The following DTWD2 variants were observed in gnomAD, a reference collection of about 807,000 sequenced individuals.
DTWD2 encodes the protein tRNA-uridine aminocarboxypropyltransferase 2.
DTWD2 carries 39 observed loss-of-function variants against 31.8 expected under a neutral mutation model. The ratio of observed to expected loss-of-function variants is 1.22; its 90% CI spans 0.95 to 1.60. The LOEUF (loss-of-function observed/expected upper bound fraction) is 1.60. Among genes scored for constraint, DTWD2 ranks in the 40% most tolerant of loss-of-function variants. DTWD2 has a pLI of 0.00. For missense variants in DTWD2, 515 were observed against 381.5 expected (o/e 1.35, Z -2.92); for synonymous variants, 180 against 142.8 (o/e 1.26, Z -1.86).
intron 4 of DTWD2, among the ~76,000 whole-genome samples, chr5:118,859,550 T>C (rs1277113576): frequency 6.6e-6 from 1 of 152,218 alleles, no homozygotes; most frequent in Non-Finnish European, 1.5e-5. Flanking sequence ...CCTTTTGCTA[T>C]AATATCATTA....
At chr5:118,846,086 T>C (rs1751846188) in intron 5 of DTWD2, among the ~76,000 whole-genome samples, 1 of 152,180 alleles carries the variant, frequency 6.6e-6, no homozygotes, top group Admixed American at 6.6e-5. Context: ...TTGAAAGAAT[T>C]CACTCTAATA....
At chr5:118,899,805 T>C (rs916770693) in intron 4 of DTWD2, among the ~76,000 whole-genome samples, 7 of 148,088 alleles carry the variant, frequency 4.7e-5, no homozygotes, top group South Asian at 2.2e-4. Context: ...TTTTCTTTTT[T>C]TTTTTTTTTT....
intron 1 of DTWD2, among the ~76,000 whole-genome samples, chr5:118,958,698 C>CA (rs1229828757): frequency 2.6e-5 from 4 of 151,592 alleles, no homozygotes; most frequent in African/African-American, 7.3e-5. Context: ...CAAAAATCCT[C>CA]AAAAAAAATT....
intron 4 of DTWD2, among the ~76,000 whole-genome samples, chr5:118,860,846 A>AT (rs2149544522): frequency 6.6e-6 from 1 of 152,248 alleles, no homozygotes; most frequent in Non-Finnish European, 1.5e-5. Flanking sequence ...CTATTCTTCT[A>AT]TAAGATTAAT....
At chr5:118,882,484 T>G (rs1272796453) in intron 4 of DTWD2, among the ~76,000 whole-genome samples, 1 of 152,244 alleles carries the variant, frequency 6.6e-6, no homozygotes, top group Non-Finnish European at 1.5e-5. Flanking sequence ...GGACTCTGTG[T>G]GGGGGCTCCA....
At chr5:118,931,768 CCAA>C (rs1319992839) in intron 3 of DTWD2, among the ~76,000 whole-genome samples, 1 of 152,138 alleles carries the variant, frequency 6.6e-6, no homozygotes, top group Non-Finnish European at 1.5e-5. Context: ...GAATAGTCCA[CCAA>C]CAACAAAATA....
At chr5:118,896,593 T>C (rs1394536996) in intron 4 of DTWD2, among the ~76,000 whole-genome samples, 7 of 152,196 alleles carry the variant, frequency 4.6e-5, no homozygotes, top group Non-Finnish European at 8.8e-5. Flanking sequence ...ATAAATTCCT[T>C]AACACTTGAA....
rs192436657 is a variant in DTWD2 at position 118,979,030 on chromosome 5, C to T, written c.218+9264G>A. On this transcript the variant is annotated intron_variant, in intron 1 of 5. Transcript: ENST00000510708. ...CAAAAAATAAAAAATAGAGGCCAGG[C>T]GCGGTGGCTCACGCCTATAATCCCA... is the stretch of plus-strand genomic sequence containing the variant. Among the ~76,000 whole-genome samples, 48 of 151,834 alleles carry T rather than the reference C, an allele frequency of 3.2e-4. No individual in the cohort carries two copies. In the East Asian group the frequency reaches 8.6e-3, roughly 27 times the overall value.
chr5:118,978,113 TG>T (rs1240069075), intron 1 of DTWD2, among the ~76,000 whole-genome samples: 1 of 81,778 alleles, frequency 1.2e-5, no homozygotes, highest in Non-Finnish European at 2.4e-5. Flanking sequence ...AAGGATTCCC[TG>T]CTTTTTTTTT....
At chr5:118,851,653 C>A (rs1428151943) in intron 4 of DTWD2, among the ~76,000 whole-genome samples, 1 of 130,074 alleles carries the variant, frequency 7.7e-6, no homozygotes, top group Non-Finnish European at 1.5e-5. Flanking sequence ...AACACATGGA[C>A]ACAGGAAGGG....
At chr5:118,950,171 C>A (rs1307609485) in intron 1 of DTWD2, among the ~76,000 whole-genome samples, 4 of 147,372 alleles carry the variant, frequency 2.7e-5, no homozygotes, top group African/African-American at 1.0e-4. Flanking sequence ...CGAGATCACG[C>A]CACTGCACTC....
intron 1 of DTWD2, among the ~76,000 whole-genome samples, chr5:118,947,531 T>C (rs1214216661): frequency 6.6e-6 from 1 of 152,174 alleles, no homozygotes; most frequent in Non-Finnish European, 1.5e-5. Flanking sequence ...GTCCCTACCA[T>C]ACAGCTGCCT....
At chr5:118,911,582 T>C (rs1368235679) in intron 4 of DTWD2, among the ~76,000 whole-genome samples, 1 of 152,074 alleles carries the variant, frequency 6.6e-6, no homozygotes, top group Non-Finnish European at 1.5e-5. Flanking sequence ...TTATTCACAA[T>C]AGCCAAGTAA....
At chr5:118,969,951 G>A (rs969175665) in intron 1 of DTWD2, among the ~76,000 whole-genome samples, 1 of 152,152 alleles carries the variant, frequency 6.6e-6, no homozygotes, top group Non-Finnish European at 1.5e-5. Flanking sequence ...CAATACAGGA[G>A]TTGATAATGA....
chr5:118,940,359 G>C (rs900927132), intron 2 of DTWD2, among the ~76,000 whole-genome samples: 9 of 152,116 alleles, frequency 5.9e-5, no homozygotes, highest in African/African-American at 2.2e-4. Flanking sequence ...AACTTAATCA[G>C]TTTCTAAACC....
intron 1 of DTWD2, among the ~76,000 whole-genome samples, chr5:118,978,483 A>T (rs1162050871): frequency 1.3e-5 from 2 of 152,238 alleles, no homozygotes; most frequent in African/African-American, 4.8e-5. Context: ...CCCATCTGAC[A>T]AAGGTCTAAT....
chr5:118,875,348 T>C (rs961001754), intron 4 of DTWD2, among the ~76,000 whole-genome samples: 5 of 151,988 alleles, frequency 3.3e-5, no homozygotes, highest in African/African-American at 1.2e-4. Context: ...AATCCACATA[T>C]ATCAATACTA....
chr5:118,922,580 T>G (rs570112114), intron 4 of DTWD2, among the ~76,000 whole-genome samples: 1 of 152,366 alleles, frequency 6.6e-6, no homozygotes, highest in African/African-American at 2.4e-5. Context: ...AAAAACTGAT[T>G]TAAATTTTCT....
chr5:118,905,393 C>G (rs772578276), intron 4 of DTWD2, among the ~76,000 whole-genome samples: 1 of 152,004 alleles, frequency 6.6e-6, no homozygotes, highest in Non-Finnish European at 1.5e-5. Flanking sequence ...AGCTGCAGAG[C>G]GTATAACATT....
Sources: allele counts gnomAD v4.1 joint callset (sites outside exome capture counted in the v4.1 genomes callset), GRCh38; gene constraint gnomAD v4.1.1; transcripts MANE v1.5; gene names NCBI Gene and HGNC (gene_info 2026-07-23, HGNC 2026-07-21).